Variants in SYT1 observed in about 807,000 individuals in gnomAD.
SYT1 encodes synaptotagmin 1.
SYT1 carries 8 observed loss-of-function variants against 44.8 expected under a neutral mutation model. The ratio of observed to expected loss-of-function variants is 0.18; its 90% CI spans 0.10 to 0.32. The LOEUF (loss-of-function observed/expected upper bound fraction) is 0.32. Among genes scored for constraint, SYT1 ranks in the 10% least tolerant of loss-of-function variants. The pLI is 1.00. For synonymous variants in SYT1, 154 were observed against 188.8 expected, an observed-to-expected ratio of 0.82 and a Z score of 1.51; for missense variants, 286 against 509.3, an observed-to-expected ratio of 0.56 and a Z score of 4.22.
chr12:79,446,693 C>T (rs1362655299), intron 10 of SYT1, among the ~76,000 whole-genome samples: 1 of 152,160 alleles, frequency 6.6e-6, no homozygotes, highest in Non-Finnish European at 1.5e-5. Flanking sequence ...CTTTCAACAT[C>T]TGTTACATAA....
intron 3 of SYT1, among the ~76,000 whole-genome samples, chr12:79,114,417 T>A (rs1488527737): frequency 6.6e-6 from 1 of 152,174 alleles, no homozygotes; most frequent in African/African-American, 2.4e-5. Flanking sequence ...TTACAAGCTT[T>A]ACCTTTGGCT....
At chr12:79,408,494 C>T (rs1401839915) in intron 9 of SYT1, among the ~76,000 whole-genome samples, 1 of 152,108 alleles carries the variant, frequency 6.6e-6, no homozygotes, top group Non-Finnish European at 1.5e-5. Flanking sequence ...TTGAGCAAGT[C>T]ATTTAGCGAG....
intron 3 of SYT1, among the ~76,000 whole-genome samples, chr12:79,154,133 C>T (rs1244699864): frequency 6.6e-6 from 1 of 152,034 alleles, no homozygotes; most frequent in Non-Finnish European, 1.5e-5. Flanking sequence ...TACTACTAAC[C>T]TGATTCTTGG....
intron 3 of SYT1, among the ~76,000 whole-genome samples, chr12:79,107,841 T>A (rs994432337): frequency 2.6e-5 from 4 of 151,674 alleles, no homozygotes; most frequent in Non-Finnish European, 4.4e-5. Flanking sequence ...CCAGAAACAA[T>A]CCTAACAAAT....
At chr12:79,425,939 G>T (rs959103779) in intron 9 of SYT1, among the ~76,000 whole-genome samples, 1 of 152,042 alleles carries the variant, frequency 6.6e-6, no homozygotes, top group East Asian at 1.9e-4. Context: ...GCCCATAAAT[G>T]GTAGCTCCTC....
chr12:78,880,015 A>T (rs981510219), intron 1 of SYT1, among the ~76,000 whole-genome samples: 2 of 151,684 alleles, frequency 1.3e-5, no homozygotes, highest in African/African-American at 4.8e-5. Flanking sequence ...CTTCAGAATC[A>T]CTCAGAACTT....
chr12:78,953,082 C>T (rs1282151790), intron 1 of SYT1, among the ~76,000 whole-genome samples: 2 of 152,098 alleles, frequency 1.3e-5, no homozygotes, highest in Non-Finnish European at 2.9e-5. Context: ...TTTTCTTCAT[C>T]ACTGTATTCT....
intron 2 of SYT1, among the ~76,000 whole-genome samples, chr12:79,023,210 C>T (rs1185932403): frequency 6.6e-6 from 1 of 151,840 alleles, no homozygotes; most frequent in Non-Finnish European, 1.5e-5. Context: ...AATGCTGCTT[C>T]TACCTGAATA....
intron 1 of SYT1, among the ~76,000 whole-genome samples, chr12:78,971,499 A>G (rs957922603): frequency 6.6e-5 from 10 of 152,168 alleles, no homozygotes; most frequent in African/African-American, 2.4e-4. Flanking sequence ...CAAGAGAGCT[A>G]AGCTTTTCAA....
At chr12:78,907,841 GCAAAATGAT>G (rs1485209523) in intron 1 of SYT1, among the ~76,000 whole-genome samples, 1 of 151,984 alleles carries the variant, frequency 6.6e-6, no homozygotes, top group Non-Finnish European at 1.5e-5. Flanking sequence ...CTTAATAGAA[GCAAAATGAT>G]CAAGATGACT....
intron 3 of SYT1, among the ~76,000 whole-genome samples, chr12:79,049,249 A>G (rs1874292438): frequency 6.6e-6 from 1 of 151,872 alleles, no homozygotes; most frequent in Non-Finnish European, 1.5e-5. Flanking sequence ...TTGAAATAGG[A>G]TTTAGCCTAG....
chr12:78,914,505 T>TTAGA (rs200086519), intron 1 of SYT1, among the ~76,000 whole-genome samples: 1 of 58,310 alleles, frequency 1.7e-5, no homozygotes, highest in Non-Finnish European at 3.3e-5. Flanking sequence ...GATGCACATG[T>TTAGA]TAGATAGATA....
chr12:79,006,146 CA>C (rs1871065891), intron 2 of SYT1, among the ~76,000 whole-genome samples: 1 of 152,084 alleles, frequency 6.6e-6, no homozygotes, highest in Non-Finnish European at 1.5e-5. Context: ...ACTAAAAATA[CA>C]ATTTCTATTT....
intron 10 of SYT1, among the ~76,000 whole-genome samples, chr12:79,448,477 G>T (rs1042296484): frequency 1.3e-5 from 2 of 152,108 alleles, no homozygotes; most frequent in Non-Finnish European, 2.9e-5. Flanking sequence ...TAATCAAATA[G>T]AGTGGGCTGA....
chr12:79,413,792 C>T lies in SYT1; in HGVS notation c.929-30281C>T, dbSNP rs553502456. ...CTCTCTTAATTCCCAGTTAGATTATCAGGACAAAACTTCAGGTAATTGCAT... is the reference window on the plus strand; with the variant it reads ...CTCTCTTAATTCCCAGTTAGATTATTAGGACAAAACTTCAGGTAATTGCAT... On this transcript the variant is annotated intron_variant, in intron 9 of 10. Transcript: ENST00000261205. Among the ~76,000 whole-genome samples the T allele has an allele frequency of 9.9e-5, 15 of 152,208 alleles. No individual in the cohort carries two copies. The East Asian group carries it at 2.9e-3, about 29-fold the overall frequency.
intron 9 of SYT1, among the ~76,000 whole-genome samples, chr12:79,442,983 A>C (rs1870513102): frequency 6.6e-6 from 1 of 152,174 alleles, no homozygotes; most frequent in Non-Finnish European, 1.5e-5. Context: ...AATGTTTAAG[A>C]AAAACAGTAG....
intron 2 of SYT1, among the ~76,000 whole-genome samples, chr12:79,042,869 T>C (rs1873704066): frequency 6.6e-6 from 1 of 151,908 alleles, no homozygotes. Flanking sequence ...ATTTCTGCCT[T>C]CATTTTGTTA....
At chr12:79,042,086 C>CT (rs201820892) in intron 2 of SYT1, among the ~76,000 whole-genome samples, 1 of 150,144 alleles carries the variant, frequency 6.7e-6, no homozygotes, top group African/African-American at 2.4e-5. Context: ...CTAAAATTCT[C>CT]TTTTTTGGTT....
At chr12:79,008,168 C>T (rs1871208521) in intron 2 of SYT1, among the ~76,000 whole-genome samples, 1 of 151,918 alleles carries the variant, frequency 6.6e-6, no homozygotes, top group South Asian at 2.1e-4. Context: ...GAAATGGTCA[C>T]CTCTTAGTTG....
Sources: allele counts gnomAD v4.1 joint callset (sites outside exome capture counted in the v4.1 genomes callset), GRCh38; gene constraint gnomAD v4.1.1; transcripts MANE v1.5; gene names NCBI Gene and HGNC (gene_info 2026-07-23, HGNC 2026-07-21).